The following MICAL3 variants were observed in gnomAD, a reference collection of about 807,000 sequenced individuals.
MICAL3 encodes the protein microtubule associated monooxygenase, calponin and LIM domain containing 3.
In MICAL3, 62 loss-of-function variants were observed where a neutral mutation model predicts 207.4. The observed-to-expected ratio is 0.30, with a 90% CI of 0.24 to 0.37. The LOEUF is 0.37. Among genes scored for constraint, MICAL3 ranks in the 10% least tolerant of loss-of-function variants. MICAL3 has a pLI of 1.00. For synonymous variants in MICAL3, 1,077 were observed against 1,069.3 expected (o/e 1.01, Z -0.14); for missense variants, 2,368 against 2,635.6 (o/e 0.90, Z 2.22).
At chr22:17,933,404 A>G (rs867176076) in intron 1 of MICAL3, among the ~76,000 whole-genome samples, 55 of 152,376 alleles carry the variant, frequency 3.6e-4, no homozygotes, top group African/African-American at 1.2e-3. Flanking sequence ...GCAGAAATAA[A>G]GATGTTCTTT....
At chr22:17,812,727 A>C (rs2062061117) in intron 27 of MICAL3, 3 of 185,784 alleles carry the variant, frequency 1.6e-5, no homozygotes, top group Non-Finnish European at 3.0e-5. Flanking sequence ...AGGACTGCCT[A>C]GGTAGGAATC....
At chr22:17,835,201 A>G (rs1923238034) in intron 20 of MICAL3, among the ~76,000 whole-genome samples, 1 of 129,918 alleles carries the variant, frequency 7.7e-6, no homozygotes. Flanking sequence ...AAGACAGCAG[A>G]AAGCAACCCT....
chr22:17,879,314 G>C, intron 16 of MICAL3: 1 of 1,587,844 alleles, frequency 6.3e-7, no homozygotes, highest in Non-Finnish European at 8.6e-7. Context: ...TTGGCTCTCA[G>C]CATCCCATGC....
At chr22:17,903,026 A>T (rs1243157622) in intron 3 of MICAL3, among the ~76,000 whole-genome samples, 2 of 152,216 alleles carry the variant, frequency 1.3e-5, no homozygotes, top group East Asian at 1.9e-4. Flanking sequence ...ACAACATGGG[A>T]CTGTGGCCTA....
chr22:17,810,277 A>G (rs571038736), intron 28 of MICAL3, among the ~76,000 whole-genome samples: 11 of 151,686 alleles, frequency 7.3e-5, no homozygotes, highest in South Asian at 2.1e-4. Flanking sequence ...GTTAGCCAGG[A>G]TGGTCTCAAT....
chr22:17,796,131 G>A lies in MICAL3; in HGVS notation c.5651-4830C>T, dbSNP rs1169849199. On this transcript the variant is annotated intron_variant, in intron 29 of 31. Transcript: ENST00000441493. The surrounding 1 kb of genome is among the most constrained non-coding windows in gnomAD (Gnocchi z 4.4). ...CCTGGGCGCTGGCCACCCCTCCTGA[G>A]CTCCCGAGCAGTGAGCGGGTCCTGG... 6.6e-6 allele frequency among the ~76,000 whole-genome samples: 1 copy of A among 152,184 alleles called. No individual in the cohort carries two copies. The highest frequency in any genetic ancestry group is 1.5e-5 in the Non-Finnish European group (1 of 68,044).
At chr22:17,958,848 C>G (rs537993054) in intron 1 of MICAL3, among the ~76,000 whole-genome samples, 8 of 151,626 alleles carry the variant, frequency 5.3e-5, no homozygotes, top group African/African-American at 1.5e-4. Flanking sequence ...AGATTAGAGG[C>G]GTCCGCCACC....
intron 17 of MICAL3, among the ~76,000 whole-genome samples, chr22:17,866,873 A>T (rs1294932286): frequency 1.3e-5 from 2 of 151,950 alleles, no homozygotes; most frequent in African/African-American, 4.8e-5. Context: ...TTTTTTTCTG[A>T]CTCTTTTTTA....
Position 17,841,955 on chromosome 22 carries a change from G to C in MICAL3, c.2668C>G (p.Arg890Gly). Residue 890 changes from arginine (R) to glycine (G), a missense_variant, in exon 20 of 32, where the codon CGG (arginine) becomes GGG (glycine). Transcript: ENST00000441493. The surrounding 1 kb of genome is among the most constrained non-coding windows in gnomAD (Gnocchi z 4.2). Reference protein sequence around the residue: ...IAKRLRGTPERIELENYRLSL... With the variant: ...IAKRLRGTPEGIELENYRLSL... ...AGGCGGTAGTTCTCCAGCTCGATCC[G>C]CTCTGGGGTGCCCCTCAGTCGCTTG... is the stretch of plus-strand genomic sequence containing the variant. 6.2e-7 allele frequency: 1 copy of C among 1,606,292 alleles called. No homozygotes were observed. Among genetic ancestry groups the C allele is most frequent in the Non-Finnish European group, 8.5e-7 (1 of 1,178,530 alleles).
At chr22:17,834,495 CATTTGAGCCCAGGA>C (rs1162417293) in intron 20 of MICAL3, 1 of 1,258,202 alleles carries the variant, frequency 7.9e-7, no homozygotes, top group Non-Finnish European at 1.0e-6. Context: ...GTGGGTGGAT[CATTTGAGCCCAGGA>C]GTTTGAGACC....
chr22:17,899,337 T>A (rs1043009969), intron 7 of MICAL3, 111 bp downstream of exon 7: 1 of 757,322 alleles, frequency 1.3e-6, no homozygotes, highest in South Asian at 1.5e-5. Context: ...AGAAGATGCA[T>A]TCAGTGCTCA....
intron 1 of MICAL3, among the ~76,000 whole-genome samples, chr22:17,930,775 C>G (rs1025667276): frequency 3.3e-5 from 5 of 152,228 alleles, no homozygotes; most frequent in African/African-American, 1.2e-4. Context: ...TTCCGTAAAG[C>G]TTGGAAGGTG....
intron 17 of MICAL3, among the ~76,000 whole-genome samples, chr22:17,868,845 A>C (rs1319812811): frequency 6.6e-6 from 1 of 151,648 alleles, no homozygotes; most frequent in Non-Finnish European, 1.5e-5. Context: ...AAGCAGACAG[A>C]CTGGTTCTCC....
chr22:17,967,774 T>C (rs1383028875), intron 1 of MICAL3, among the ~76,000 whole-genome samples: 2 of 152,040 alleles, frequency 1.3e-5, no homozygotes, highest in African/African-American at 2.4e-5. Flanking sequence ...TGGCTGGGCG[T>C]GGTGGCTCAC....
intron 1 of MICAL3, among the ~76,000 whole-genome samples, chr22:17,944,533 C>T (rs1412899228): frequency 1.3e-5 from 2 of 152,194 alleles, no homozygotes; most frequent in East Asian, 1.9e-4. Flanking sequence ...CCGACCCAGC[C>T]TCCGCTTTGC....
intron 1 of MICAL3, among the ~76,000 whole-genome samples, chr22:17,996,392 C>T (rs1041510002): frequency 6.6e-6 from 1 of 150,798 alleles, no homozygotes; most frequent in Non-Finnish European, 1.5e-5. Context: ...TGCAGTGAGC[C>T]GAGGTCGTGC....
intron 16 of MICAL3, among the ~76,000 whole-genome samples, chr22:17,874,360 A>C (rs1441751197): frequency 6.6e-6 from 1 of 152,174 alleles, no homozygotes; most frequent in Non-Finnish European, 1.5e-5. Context: ...GCTGACACTG[A>C]GGGAGCAGAA....
intron 23 of MICAL3, among the ~76,000 whole-genome samples, chr22:17,822,690 A>G (rs1921779621): frequency 6.6e-6 from 1 of 152,220 alleles, no homozygotes; most frequent in Non-Finnish European, 1.5e-5. Context: ...GGAGCCAGTC[A>G]GCAGAATTAA....
intron 1 of MICAL3, among the ~76,000 whole-genome samples, chr22:17,953,564 G>T (rs1054880642): frequency 2.6e-5 from 4 of 152,126 alleles, no homozygotes; most frequent in Admixed American, 2.6e-4. Flanking sequence ...GGGGGCTATA[G>T]GGGACATCAG....
Sources: allele counts gnomAD v4.1 joint callset (sites outside exome capture counted in the v4.1 genomes callset), GRCh38; gene constraint gnomAD v4.1.1; non-coding constraint Gnocchi (gnomAD v3.1); transcripts MANE v1.5; gene names NCBI Gene and HGNC (gene_info 2026-07-23, HGNC 2026-07-21).